SLC8A1: variants seen among roughly 807,000 people sequenced by gnomAD.
SLC8A1 encodes the protein sodium/calcium exchanger 1.
In SLC8A1, 18 loss-of-function variants were observed where a neutral mutation model predicts 68.3. The observed-to-expected ratio is 0.26, with a 90% CI of 0.18 to 0.39. The LOEUF (loss-of-function observed/expected upper bound fraction) is 0.39, where lower values mean the gene tolerates loss of function less well. Ranked by LOEUF, SLC8A1 falls within the 10% of genes least tolerant of loss-of-function variation. The pLI is 1.00. For missense variants in SLC8A1, 985 were observed against 1,156.7 expected (o/e 0.85, Z 2.15); for synonymous variants, 475 against 415.5 (o/e 1.14, Z -1.74).
chr2:40,411,145 T>C (rs1429513771), intron 2 of SLC8A1, among the ~76,000 whole-genome samples: 1 of 152,072 alleles, frequency 6.6e-6, no homozygotes, highest in Non-Finnish European at 1.5e-5. Flanking sequence ...ACAGGTATTA[T>C]CTATGGCTCT....
At chr2:40,472,492 T>C (rs972188927) in intron 1 of SLC8A1, among the ~76,000 whole-genome samples, 8 of 152,184 alleles carry the variant, frequency 5.3e-5, no homozygotes, top group Non-Finnish European at 1.0e-4. Flanking sequence ...GTTTCATAGA[T>C]GAAACAAAGA....
chr2:40,213,076 T>G (rs1218148910), intron 2 of SLC8A1: 1 of 152,244 alleles, frequency 6.6e-6, no homozygotes, highest in Non-Finnish European at 1.5e-5. Flanking sequence ...GTCTTCATAA[T>G]TTAAAGATGA....
intron 2 of SLC8A1, among the ~76,000 whole-genome samples, chr2:40,249,088 GAAAC>G (rs2062328013): frequency 6.6e-6 from 1 of 152,118 alleles, no homozygotes. Flanking sequence ...TATCTTCTAG[GAAAC>G]AAACACAATG....
chr2:40,493,418 G>A (rs1160418075), intron 1 of SLC8A1, among the ~76,000 whole-genome samples: 2 of 151,488 alleles, frequency 1.3e-5, no homozygotes, highest in Non-Finnish European at 2.9e-5. Context: ...AGTGTGTGCA[G>A]CACACCAGCA....
chr2:40,496,605 G>C (rs187207277), intron 1 of SLC8A1, among the ~76,000 whole-genome samples: 1 of 151,982 alleles, frequency 6.6e-6, no homozygotes, highest in Admixed American at 6.6e-5. Context: ...AGAAAGATCC[G>C]AATTACTTTC....
intron 2 of SLC8A1, among the ~76,000 whole-genome samples, chr2:40,419,729 C>A (rs1157209983): frequency 1.3e-5 from 2 of 152,084 alleles, no homozygotes; most frequent in African/African-American, 4.8e-5. Context: ...TTTAATTGCG[C>A]CCTAAGAATT....
At chr2:40,283,209 G>A (rs1220771769) in intron 2 of SLC8A1, among the ~76,000 whole-genome samples, 2 of 152,196 alleles carry the variant, frequency 1.3e-5, no homozygotes, top group Admixed American at 1.3e-4. Context: ...AGAGGTAGAG[G>A]ATGTGAAAGT....
intron 2 of SLC8A1, among the ~76,000 whole-genome samples, chr2:40,357,317 C>A (rs535249466): frequency 6.1e-4 from 92 of 151,688 alleles, no homozygotes; most frequent in African/African-American, 2.0e-3. Flanking sequence ...CATAGTGAGA[C>A]CCTGTCTCTA....
intron 1 of SLC8A1, among the ~76,000 whole-genome samples, chr2:40,435,612 C>T (rs533194232): frequency 6.6e-5 from 10 of 152,192 alleles, no homozygotes; most frequent in Non-Finnish European, 1.0e-4. Flanking sequence ...CAAAAATACC[C>T]GCTGAAATTG....
At chr2:40,428,578 C>T in exon 2 of SLC8A1, 1 of 1,613,906 alleles carries the variant, frequency 6.2e-7, no homozygotes, top group Non-Finnish European at 8.5e-7. Context: ...GATAACATTT[C>T]CTCGAGCTCC....
intron 4 of SLC8A1, among the ~76,000 whole-genome samples, chr2:40,172,996 A>G (rs1025608921): frequency 3.9e-5 from 6 of 152,174 alleles, no homozygotes; most frequent in African/African-American, 9.7e-5. Context: ...AAACACGTCA[A>G]TGTGTTTTTG....
intron 1 of SLC8A1, among the ~76,000 whole-genome samples, chr2:40,447,440 T>G (rs1036111970): frequency 2.0e-5 from 3 of 152,008 alleles, no homozygotes; most frequent in African/African-American, 7.2e-5. Context: ...GGCACTCACA[T>G]CGCCCCAAAC....
chr2:40,288,365 G>A (rs888092629), intron 2 of SLC8A1, among the ~76,000 whole-genome samples: 7 of 152,162 alleles, frequency 4.6e-5, no homozygotes, highest in African/African-American at 1.7e-4. Context: ...GGGAATACTT[G>A]CTCAACTAAA....
intron 2 of SLC8A1, among the ~76,000 whole-genome samples, chr2:40,331,817 T>C (rs1266257073): frequency 6.6e-6 from 1 of 152,266 alleles, no homozygotes; most frequent in South Asian, 2.1e-4. Flanking sequence ...GGTTTTGAAC[T>C]CCTGACCTCA....
intron 2 of SLC8A1, among the ~76,000 whole-genome samples, chr2:40,311,787 G>C (rs2073731415): frequency 6.6e-6 from 1 of 151,686 alleles, no homozygotes; most frequent in African/African-American, 2.4e-5. Flanking sequence ...ACTTTGTTTT[G>C]AATATTGTGT....
intron 2 of SLC8A1, among the ~76,000 whole-genome samples, chr2:40,284,671 T>TATATAC (rs1427915462): frequency 6.1e-4 from 91 of 149,824 alleles, no homozygotes; most frequent in Admixed American, 3.2e-3. Flanking sequence ...AATATATATA[T>TATATAC]ACACACACAC....
intron 2 of SLC8A1, among the ~76,000 whole-genome samples, chr2:40,306,655 C>A (rs1007493532): frequency 5.3e-5 from 8 of 152,138 alleles, no homozygotes; most frequent in Non-Finnish European, 7.4e-5. Context: ...AGTCAACAAG[C>A]CTTTGCCCAA....
exon 8 of SLC8A1, chr2:40,100,347 T>A (rs1423968084): frequency 6.6e-6 from 1 of 152,144 alleles, no homozygotes. Context: ...CACTGTAATT[T>A]AGCCTTGAGC....
chr2:40,252,321 A>G (rs1558960831), intron 2 of SLC8A1, among the ~76,000 whole-genome samples: 1 of 151,462 alleles, frequency 6.6e-6, no homozygotes, highest in South Asian at 2.1e-4. Context: ...TTTTTTTTAG[A>G]TAGTACATTT....
Sources: allele counts gnomAD v4.1 joint callset (sites outside exome capture counted in the v4.1 genomes callset), GRCh38; gene constraint gnomAD v4.1.1; transcripts MANE v1.5; gene names NCBI Gene and HGNC (gene_info 2026-07-23, HGNC 2026-07-21).